Variants in NFE2L3 observed in about 807,000 individuals in gnomAD.
The protein encoded by NFE2L3 is NFE2 like bZIP transcription factor 3.
In NFE2L3, 18 loss-of-function variants were observed where a neutral mutation model predicts 23.5. The ratio of observed to expected loss-of-function variants is 0.77; its 90% CI spans 0.53 to 1.13. NFE2L3 has a LOEUF of 1.13. Ranked by LOEUF, NFE2L3 falls within the 50% of genes most tolerant of loss-of-function variation. The pLI, the probability that NFE2L3 is intolerant of heterozygous loss-of-function variation, is 0.00. For synonymous variants in NFE2L3, 424 were observed against 354.5 expected, an observed-to-expected ratio of 1.20 and a Z score of -2.20; for missense variants, 1,152 against 877.2, an observed-to-expected ratio of 1.31 and a Z score of -3.96.
intron 2 of NFE2L3, 26 bp from the exon 3 acceptor site, chr7:26,183,666 TATGTGAAAG>T: frequency 7.4e-7 from 1 of 1,351,628 alleles, no homozygotes; most frequent in Non-Finnish European, 1.1e-6. Flanking sequence ...TTCAGTCTTT[TATGTGAAAG>T]ATGCACTTTT....
At chr7:26,177,105 A>G (rs1208062821) in intron 1 of NFE2L3, among the ~76,000 whole-genome samples, 1 of 126,454 alleles carries the variant, frequency 7.9e-6, no homozygotes, top group Non-Finnish European at 1.7e-5. Flanking sequence ...GGCGCTCCTC[A>G]CATCCCAGAC....
intron 1 of NFE2L3, among the ~76,000 whole-genome samples, chr7:26,164,292 A>G (rs1046924189): frequency 2.0e-5 from 3 of 152,106 alleles, no homozygotes; most frequent in Non-Finnish European, 4.4e-5. Context: ...AAGTGTTCCT[A>G]TTTCTCCACA....
intron 1 of NFE2L3, among the ~76,000 whole-genome samples, chr7:26,175,641 T>C (rs1784390462): frequency 6.6e-6 from 1 of 151,824 alleles, no homozygotes; most frequent in Admixed American, 6.6e-5. Flanking sequence ...TAGCCGGGTG[T>C]GGTGCCGGGC....
In NFE2L3 at chr7:26,184,740, C is replaced by T. The variant is rs1782435586; in HGVS notation, c.1042C>T (p.His348Tyr). Residue 348 changes from histidine to tyrosine, a missense_variant, in exon 4 of 4, where the codon CAT becomes TAT. Transcript: ENST00000056233. ...AGAACCATTTCTGCAGTTAAATTCT[C>T]ATACCACCAATCCTGAGCAAACCCT... ...SQEPFLQLNS[H>Y]TTNPEQTLPG... is the part of the protein sequence containing the mutation. The T allele has an allele frequency of 1.2e-6, 2 of 1,613,806 alleles. No homozygotes were observed. Among genetic ancestry groups the T allele is most frequent in the Non-Finnish European group, 1.7e-6 (2 of 1,179,856 alleles).
In NFE2L3 at chr7:26,164,387, C is replaced by T. The variant is rs560080461; in HGVS notation, c.570+11319C>T. On this transcript the variant is annotated intron_variant, in intron 1 of 3. Transcript: ENST00000056233. Reference sequence around the variant, plus strand: ...GATGGTATCTCATTGTGGTTTTGATCTGTATTTCTCTGATGGCCAGTGATA... The same window carrying T: ...GATGGTATCTCATTGTGGTTTTGATTTGTATTTCTCTGATGGCCAGTGATA... 3.0e-4 allele frequency among the ~76,000 whole-genome samples: 46 copies of T among 152,216 alleles called. No individual in the cohort carries two copies. In the East Asian group the frequency reaches 5.6e-3, roughly 19 times the overall value.
intron 1 of NFE2L3, among the ~76,000 whole-genome samples, chr7:26,172,557 T>C (rs1222781520): frequency 1.3e-5 from 2 of 152,238 alleles, no homozygotes; most frequent in Non-Finnish European, 2.9e-5. Flanking sequence ...CAGTATGTAT[T>C]TGCCGAGTCT....
intron 1 of NFE2L3, among the ~76,000 whole-genome samples, chr7:26,157,866 G>T (rs1357187796): frequency 6.6e-6 from 1 of 152,134 alleles, no homozygotes; most frequent in Non-Finnish European, 1.5e-5. Flanking sequence ...CCCTTCTGCG[G>T]GCTGTGAGGG....
Position 26,185,856 on chromosome 7 carries a change from T to C in NFE2L3, c.*73T>C, listed in dbSNP as rs536501110. 8.2e-5 allele frequency: 99 copies of C among 1,211,606 alleles called. No homozygotes were observed. The African/African-American group carries it at 9.9e-4, about 12-fold the overall frequency. The allele number at this position is 1,211,606 out of a possible 1,614,324, so 75.1% of individuals were successfully genotyped here. ...AACTGATTATTTGGATCAGAAACCA[T>C]TGAAACTGCTTCAAGAATTGTATCT... On this transcript the variant is annotated 3_prime_UTR_variant, in exon 4 of 4. Transcript: ENST00000056233.
chr7:26,176,779 C>T (rs1784416867), intron 1 of NFE2L3, among the ~76,000 whole-genome samples: 1 of 96,210 alleles, frequency 1.0e-5, no homozygotes, highest in Non-Finnish European at 2.0e-5. Flanking sequence ...ACGGGGTGGC[C>T]AGGCAGAGGC....
At chr7:26,179,261 G>A (rs1784465460) in intron 2 of NFE2L3, among the ~76,000 whole-genome samples, 1 of 152,074 alleles carries the variant, frequency 6.6e-6, no homozygotes, top group South Asian at 2.1e-4. Context: ...AGCACTTTGG[G>A]AAGCCAAAGC....
rs188350423 is a variant in NFE2L3 at position 26,178,420 on chromosome 7, A to G, written c.750+298A>G. On this transcript the variant is annotated intron_variant, in intron 2 of 3. Transcript: ENST00000056233. ...TTATGTTTGCCAAGGCAAGTGATGAAGAAATGGGGAACCTAGGAGTCCTCA... is the reference window on the plus strand; with the variant it reads ...TTATGTTTGCCAAGGCAAGTGATGAGGAAATGGGGAACCTAGGAGTCCTCA... Among the ~76,000 whole-genome samples the G allele has an allele frequency of 2.0e-5, 3 of 152,298 alleles. No individual in the cohort carries two copies. The East Asian group carries it at 5.8e-4, about 29-fold the overall frequency.
At position 26,183,726 on chromosome 7, in the gene NFE2L3, C is replaced by A. The variant is rs370809004; in HGVS notation, c.776C>A (p.Ser259Tyr). 5.0e-6 allele frequency: 8 copies of A among 1,612,684 alleles called. No homozygotes were observed. Among genetic ancestry groups the A allele is most frequent in the Non-Finnish European group, 6.8e-6 (8 of 1,178,772 alleles). Residue 259 changes from serine to tyrosine, a missense_variant, in exon 3 of 4, where the codon TCT (serine) becomes TAT (tyrosine). Coordinates refer to ENST00000056233, the MANE Select transcript of NFE2L3 (RefSeq NM_004289.7). ...AGACATCTGAATGGGACAGATACTT[C>A]TTTCTCTCTGGAAGACTTATTCCAG... ...NERHLNGTDT[S>Y]FSLEDLFQLL...
intron 1 of NFE2L3, among the ~76,000 whole-genome samples, chr7:26,155,912 C>G (rs1331068278): frequency 1.3e-5 from 2 of 152,110 alleles, no homozygotes; most frequent in Admixed American, 1.3e-4. Flanking sequence ...GTGGGAAAAG[C>G]CCATGGGAAG....
At chr7:26,177,913 C>CT (rs1784443218) in intron 1 of NFE2L3, 30 bp from the exon 2 acceptor site, 5 of 1,592,610 alleles carry the variant, frequency 3.1e-6, no homozygotes, top group Non-Finnish European at 4.3e-6. Flanking sequence ...AGACTGTTTG[C>CT]TTATTTGATG....
At chr7:26,183,958 A>T (rs966682705) in intron 3 of NFE2L3, 174 bp downstream of exon 3, 6 of 547,898 alleles carry the variant, frequency 1.1e-5, no homozygotes, top group Non-Finnish European at 1.9e-5. Context: ...TTTCCAAATA[A>T]TCCCAAAGGT....
intron 1 of NFE2L3, among the ~76,000 whole-genome samples, chr7:26,171,951 T>C (rs185877680): frequency 3.5e-4 from 54 of 152,400 alleles, no homozygotes; most frequent in Middle Eastern, 6.8e-3. Flanking sequence ...TGATACTCAA[T>C]TTAAAATGAC....
intron 2 of NFE2L3, among the ~76,000 whole-genome samples, chr7:26,179,680 G>A (rs981827532): frequency 6.6e-6 from 1 of 150,784 alleles, no homozygotes; most frequent in South Asian, 2.1e-4. Context: ...CACTTCAGAC[G>A]GGGTGACAGA....
At chr7:26,179,869 A>G (rs976880545) in intron 2 of NFE2L3, among the ~76,000 whole-genome samples, 3 of 151,492 alleles carry the variant, frequency 2.0e-5, no homozygotes, top group African/African-American at 7.3e-5. Flanking sequence ...ATATTATACA[A>G]CTCTTTGTCA....
intron 2 of NFE2L3, among the ~76,000 whole-genome samples, chr7:26,181,397 A>G (rs1265610014): frequency 6.6e-6 from 1 of 152,170 alleles, no homozygotes. Flanking sequence ...AATCACTGGC[A>G]TTTCCATTCT....
Sources: gnomAD v4.1 joint callset for allele counts (sites outside exome capture counted in the v4.1 genomes callset) on GRCh38, gnomAD v4.1.1 for gene constraint, MANE v1.5 for transcripts, NCBI Gene and HGNC (gene_info 2026-07-23, HGNC 2026-07-21) for gene names.